The following ARMCX4 variants were observed in gnomAD, a reference collection of about 807,000 sequenced individuals.
The protein encoded by ARMCX4 is armadillo repeat-containing X-linked protein 4.
In ARMCX4, 3 loss-of-function variants were observed where a neutral mutation model predicts 34.7. The ratio of observed to expected loss-of-function variants is 0.09; its 90% CI spans 0.04 to 0.22. The LOEUF is 0.22. Among genes scored for constraint, ARMCX4 ranks in the 10% least tolerant of loss-of-function variants. ARMCX4 has a pLI of 1.00. For missense variants in ARMCX4, 1,448 were observed against 1,720.8 expected (o/e 0.84, Z 2.81); for synonymous variants, 513 against 632.8 (o/e 0.81, Z 2.84).
rs181619362 is a variant in ARMCX4, at chrX:101,521,666, A to G, written c.*1781-9978A>G. On this transcript the variant is annotated intron_variant and NMD_transcript_variant, in intron 11 of 12. Transcript: ENST00000354842. Reference sequence around the variant, plus strand: ...GAGACCTTTTGGTATTTATAGCTATATTTTTCTCTGTAAGCACTGTTTCAG... The same window carrying G: ...GAGACCTTTTGGTATTTATAGCTATGTTTTTCTCTGTAAGCACTGTTTCAG... Among the ~76,000 whole-genome samples the G allele has an allele frequency of 3.4e-3, 370 of 109,678 alleles. 4 individuals are homozygous for G. The highest frequency in any genetic ancestry group is 0.012 in the African/African-American group (360 of 30,169).
chrX:101,444,998 A>G (rs908893213), intron 3 of ARMCX4, among the ~76,000 whole-genome samples: 1 of 112,132 alleles, frequency 8.9e-6, no homozygotes, highest in African/African-American at 3.2e-5. Flanking sequence ...ATTGCTGTCA[A>G]AAAGTTGTGG....
intron 8 of ARMCX4, among the ~76,000 whole-genome samples, chrX:101,507,299 C>T (rs1934474689): frequency 9.0e-6 from 1 of 111,630 alleles, no homozygotes; most frequent in Admixed American, 9.6e-5. Context: ...AAATCTCTTC[C>T]ACTCTCTGTC....
At chrX:101,470,427 C>T (rs1556002795) in intron 4 of ARMCX4, among the ~76,000 whole-genome samples, 1 of 110,516 alleles carries the variant, frequency 9.0e-6, no homozygotes, top group African/African-American at 3.3e-5. Context: ...ATTCTTATGC[C>T]TCAGCCTCCC....
At chrX:101,442,242 G>A (rs1555997056) in intron 2 of ARMCX4, among the ~76,000 whole-genome samples, 1 of 112,170 alleles carries the variant, frequency 8.9e-6, no homozygotes, top group African/African-American at 3.2e-5. Flanking sequence ...GATAGGCCTC[G>A]AGAGCTATTG....
Position 101,488,582 on chromosome X carries a change from G to T in ARMCX4, c.-8G>T. 1.7e-6 allele frequency: 2 copies of T among 1,155,905 alleles called. No individual in the cohort carries two copies. Among genetic ancestry groups the T allele is most frequent in the South Asian group, 1.9e-5 (1 of 52,741 alleles). The stretch of plus-strand genomic sequence containing the variant: ...TACCTTGTTCGTGCTTTTAGCAGGG[G>T]TGATTACATGGGCCGCATTCAGGAA... On this transcript the variant is annotated 5_prime_UTR_variant, in exon 6 of 6. Transcript: ENST00000423738.
chrX:101,425,903 C>T (rs1025425195), intron 2 of ARMCX4, among the ~76,000 whole-genome samples: 1 of 110,895 alleles, frequency 9.0e-6, no homozygotes, highest in African/African-American at 3.3e-5. Flanking sequence ...TCACTGCAGC[C>T]TTGATTTCTT....
At chrX:101,472,611 G>A (rs1162839713) in intron 4 of ARMCX4, among the ~76,000 whole-genome samples, 1 of 53,666 alleles carries the variant, frequency 1.9e-5, no homozygotes, top group East Asian at 6.9e-4. Context: ...CGGATCTCTC[G>A]GCAGAAACCC....
In ARMCX4 at chrX:101,491,528, C is replaced by G. The variant is rs1314020832; in HGVS notation, c.2939C>G (p.Ala980Gly). The G allele has an allele frequency of 2.6e-6, 3 of 1,154,510 alleles. No individual in the cohort carries two copies. The African/African-American group carries it at 5.4e-5, about 21-fold the overall frequency. ...TCCAATGCTGTGCCTAAGGCAGAGGCTGGGGCAGATACAGTGGGCTCTGCC... is the reference window on the plus strand; with the variant it reads ...TCCAATGCTGTGCCTAAGGCAGAGGGTGGGGCAGATACAGTGGGCTCTGCC... ...GNSNAVPKAE[A>G]GADTVGSAQP... is the part of the protein sequence containing the mutation. The change falls in exon 6 of 6, where the codon GCT (alanine) becomes GGT (glycine). Residue 980 changes from alanine to glycine, a missense_variant. Ala to Gly is a moderately conservative substitution (Grantham distance 60). Around this residue, in one of 2 missense-constraint regions of ARMCX4, gnomAD observed 1,343 missense variants for 1,540.7 expected, o/e 0.87. Coordinates refer to ENST00000423738, the MANE Select transcript of ARMCX4 (RefSeq NM_001256155.3).
At chrX:101,521,830 T>G (rs1376368608) in intron 11 of ARMCX4, among the ~76,000 whole-genome samples, 1 of 111,786 alleles carries the variant, frequency 8.9e-6, no homozygotes, top group Non-Finnish European at 1.9e-5. Context: ...CCCTATTTTT[T>G]GTTGTTGATT....
chrX:101,479,874 CAA>C, intron 4 of ARMCX4, among the ~76,000 whole-genome samples: 1 of 110,017 alleles, frequency 9.1e-6, no homozygotes, highest in East Asian at 2.8e-4. Flanking sequence ...CAAGGATATC[CAA>C]AAATAGTTGG....
intron 11 of ARMCX4, among the ~76,000 whole-genome samples, chrX:101,512,521 G>A (rs184515712): frequency 9.0e-6 from 1 of 110,938 alleles, no homozygotes; most frequent in African/African-American, 3.3e-5. Flanking sequence ...CATCATTCAT[G>A]GGAGATTGGA....
intron 8 of ARMCX4, among the ~76,000 whole-genome samples, chrX:101,507,777 G>T (rs1385358848): frequency 9.0e-6 from 1 of 111,675 alleles, no homozygotes; most frequent in Non-Finnish European, 1.9e-5. Context: ...CTAGGTTTAG[G>T]TCATTTCCCT....
chrX:101,440,911 C>T (rs782610081), intron 2 of ARMCX4, among the ~76,000 whole-genome samples: 1 of 111,459 alleles, frequency 9.0e-6, no homozygotes, highest in Non-Finnish European at 1.9e-5. Context: ...TCCCTGACCC[C>T]TTGTACTTCC....
At chrX:101,454,057 T>G (rs1555999676) in intron 4 of ARMCX4, among the ~76,000 whole-genome samples, 1 of 110,715 alleles carries the variant, frequency 9.0e-6, no homozygotes, top group Admixed American at 9.6e-5. Flanking sequence ...GACTGATGAG[T>G]AACCTACAGA....
At chrX:101,446,543 G>A (rs1400195113), downstream of ARMCX4, among the ~76,000 whole-genome samples, 4 of 111,673 alleles carry the variant, frequency 3.6e-5, no homozygotes, top group Non-Finnish European at 7.5e-5. Flanking sequence ...ACTTACCCCC[G>A]AACTTAGCTG....
rs1014754907 is a variant in ARMCX4, at chrX:101,489,792, G to A, written c.1203G>A (p.Gln401=). The A allele has an allele frequency of 5.2e-6, 6 of 1,154,495 alleles. No homozygotes were observed. The highest frequency in any genetic ancestry group is 6.9e-6 in the Non-Finnish European group (6 of 872,734). Residue 401 remains glutamine (Q), a synonymous_variant, in exon 6 of 6, where the codon CAG becomes CAA. Coordinates refer to ENST00000423738, the MANE Select transcript of ARMCX4 (RefSeq NM_001256155.3). ...GAGCTGACATGAGAGCTGCTGCTCA[G>A]CCTCAAGCTGTTGCCAGTACTCACG... ...ITGADMRAAA[Q]PQAVASTHAE... is the part of the protein sequence containing the mutation.
chrX:101,451,670 T>C (rs1931997793), downstream of ARMCX4, among the ~76,000 whole-genome samples: 1 of 111,994 alleles, frequency 8.9e-6, no homozygotes, highest in Non-Finnish European at 1.9e-5. Flanking sequence ...TGTATGTATT[T>C]TGATAGGTGA....
At chrX:101,428,630 T>C (rs1778998402) in intron 2 of ARMCX4, among the ~76,000 whole-genome samples, 1 of 111,881 alleles carries the variant, frequency 8.9e-6, no homozygotes, top group Non-Finnish European at 1.9e-5. Flanking sequence ...CTCTGTTCTC[T>C]ACTTTTTGTA....
At chrX:101,467,298 C>T (rs958344777) in intron 4 of ARMCX4, among the ~76,000 whole-genome samples, 13 of 110,855 alleles carry the variant, frequency 1.2e-4, no homozygotes, top group African/African-American at 3.6e-4. Context: ...TACAGGCATG[C>T]GCCACCATGC....
Sources: gnomAD v4.1 joint callset for allele counts (sites outside exome capture counted in the v4.1 genomes callset) on GRCh38, gnomAD v4.1.1 for gene constraint, gnomAD v4.1.1 regional missense constraint, MANE v1.5 for transcripts, NCBI Gene and HGNC (gene_info 2026-07-23, HGNC 2026-07-21) for gene names.